Variants in GABRB2 observed in about 807,000 individuals in gnomAD.
GABRB2 encodes the protein gamma-aminobutyric acid receptor subunit beta-2.
GABRB2 carries 16 observed loss-of-function variants against 54.7 expected under a neutral mutation model. The ratio of observed to expected loss-of-function variants is 0.29; its 90% confidence interval spans 0.20 to 0.44. The LOEUF (loss-of-function observed/expected upper bound fraction) is 0.44, where lower values mean the gene tolerates loss of function less well. Among genes scored for constraint, GABRB2 ranks in the 20% least tolerant of loss-of-function variants. The pLI, the probability that GABRB2 is intolerant of heterozygous loss-of-function variation, is 1.00. For missense variants in GABRB2, 355 were observed against 644.0 expected (o/e 0.55, Z 4.86); for synonymous variants, 244 against 233.8 (o/e 1.04, Z -0.40).
chr5:161,316,748 A>T (rs1473068097), intron 9 of GABRB2, among the ~76,000 whole-genome samples: 1 of 151,998 alleles, frequency 6.6e-6, no homozygotes, highest in Non-Finnish European at 1.5e-5. Context: ...AGTAGCTGGG[A>T]TTACAGGTGC....
chr5:161,382,430 C>A (rs1177177980), intron 5 of GABRB2, among the ~76,000 whole-genome samples: 1 of 152,176 alleles, frequency 6.6e-6, no homozygotes, highest in Non-Finnish European at 1.5e-5. Context: ...CGGATCATAG[C>A]TTGAACTTCT....
At chr5:161,507,492 G>T (rs1453906259) in intron 3 of GABRB2, among the ~76,000 whole-genome samples, 2 of 151,972 alleles carry the variant, frequency 1.3e-5, no homozygotes, top group African/African-American at 2.4e-5. Context: ...AGTACTGAAG[G>T]ATAAAAGGCT....
At position 161,382,479 on chromosome 5, in the gene GABRB2, G is replaced by A. The variant is rs147975525; in HGVS notation, c.541+28496C>T. ...TGGATCAGCCTTTAATCACATAAGC[G>A]AATGATACCATATCAATAACACTTC... On this transcript the variant is annotated intron_variant, in intron 5 of 9. Coordinates refer to ENST00000393959, the MANE Select transcript of GABRB2 (RefSeq NM_001371727.1). Among the ~76,000 whole-genome samples the A allele has an allele frequency of 1.3e-4, 20 of 152,040 alleles. 1 individual carries two copies. Among genetic ancestry groups the A allele is most frequent in the Non-Finnish European group, 2.8e-4 (19 of 67,976 alleles).
chr5:161,432,834 G>A (rs1362760884), intron 4 of GABRB2, among the ~76,000 whole-genome samples: 1 of 152,012 alleles, frequency 6.6e-6, no homozygotes, highest in Non-Finnish European at 1.5e-5. Context: ...AACTTAGACT[G>A]GCTTTGCCTG....
chr5:161,372,880 C>T (rs964934562), intron 5 of GABRB2, among the ~76,000 whole-genome samples: 3 of 152,188 alleles, frequency 2.0e-5, no homozygotes, highest in Non-Finnish European at 4.4e-5. Flanking sequence ...TGCTATGCTG[C>T]ATGCACTAAG....
chr5:161,497,593 G>A (rs1362639184), intron 3 of GABRB2, among the ~76,000 whole-genome samples: 1 of 150,862 alleles, frequency 6.6e-6, no homozygotes, highest in Admixed American at 6.7e-5. Flanking sequence ...ATCTCCCAAG[G>A]CTGAGTTCAG....
intron 7 of GABRB2, among the ~76,000 whole-genome samples, chr5:161,333,362 A>G: frequency 6.6e-6 from 1 of 152,182 alleles, no homozygotes; most frequent in East Asian, 1.9e-4. Context: ...CTAAGAAAAC[A>G]AAAGTTATAA....
intron 3 of GABRB2, among the ~76,000 whole-genome samples, chr5:161,540,576 G>A (rs1172615410): frequency 2.0e-5 from 3 of 152,062 alleles, no homozygotes; most frequent in African/African-American, 7.2e-5. Context: ...TTTCCAGAAG[G>A]TTTTCAATAC....
intron 9 of GABRB2, among the ~76,000 whole-genome samples, chr5:161,322,345 C>G (rs1410733119): frequency 6.6e-6 from 1 of 152,166 alleles, no homozygotes. Context: ...AAACAATTCT[C>G]CTGCCTCTGC....
At chr5:161,312,849 G>A (rs992837310) in intron 9 of GABRB2, among the ~76,000 whole-genome samples, 1 of 151,912 alleles carries the variant, frequency 6.6e-6, no homozygotes, top group Middle Eastern at 3.4e-3. Context: ...TCTCTATAAA[G>A]TGCTGTTATG....
intron 7 of GABRB2, among the ~76,000 whole-genome samples, chr5:161,331,860 T>A (rs927061431): frequency 3.9e-5 from 6 of 152,142 alleles, no homozygotes; most frequent in Non-Finnish European, 8.8e-5. Flanking sequence ...GAAGCAGGCA[T>A]GGCAGGAGTA....
intron 3 of GABRB2, among the ~76,000 whole-genome samples, chr5:161,473,548 TA>T (rs1758505828): frequency 1.3e-5 from 2 of 151,998 alleles, no homozygotes; most frequent in Non-Finnish European, 1.5e-5. Context: ...TAATTTTGTT[TA>T]AAGGAAAAAG....
intron 3 of GABRB2, among the ~76,000 whole-genome samples, chr5:161,483,085 A>C (rs781272895): frequency 6.6e-6 from 1 of 152,060 alleles, no homozygotes; most frequent in Non-Finnish European, 1.5e-5. Context: ...ACAGCAAAGA[A>C]ATTTCTTAAT....
intron 3 of GABRB2, among the ~76,000 whole-genome samples, chr5:161,492,679 C>T (rs1157156301): frequency 6.6e-6 from 1 of 151,326 alleles, no homozygotes; most frequent in Non-Finnish European, 1.5e-5. Flanking sequence ...ATGAAGTATA[C>T]AACGTAAAAA....
intron 4 of GABRB2, among the ~76,000 whole-genome samples, chr5:161,420,473 C>T (rs1756817809): frequency 6.6e-6 from 1 of 152,224 alleles, no homozygotes; most frequent in Non-Finnish European, 1.5e-5. Flanking sequence ...CCGAAACAGG[C>T]TCCCTGGGCT....
intron 3 of GABRB2, among the ~76,000 whole-genome samples, chr5:161,505,555 C>T (rs1759580258): frequency 6.6e-6 from 1 of 151,858 alleles, no homozygotes; most frequent in African/African-American, 2.4e-5. Flanking sequence ...AAAATATTTA[C>T]AAAAAAATTA....
At chr5:161,502,978 G>T (rs1319097156) in intron 3 of GABRB2, among the ~76,000 whole-genome samples, 3 of 152,138 alleles carry the variant, frequency 2.0e-5, no homozygotes, top group African/African-American at 7.2e-5. Context: ...AATTACACAG[G>T]TCATACAGTA....
rs1216943981 is a variant in GABRB2 at position 161,439,823 on chromosome 5, T to G, written c.458+19801A>C. On this transcript the variant is annotated intron_variant, in intron 4 of 9. Coordinates refer to ENST00000393959, the MANE Select transcript of GABRB2 (RefSeq NM_001371727.1). ...AACACACATGAGGGCCTGCCATTGG[T>G]GGGGGTAGGGGGAGGGAGGGCATAA... 4.0e-5 allele frequency among the ~76,000 whole-genome samples: 6 copies of G among 150,386 alleles called. No homozygotes were observed. The South Asian group carries it at 1.3e-3, about 31-fold the overall frequency.
rs145718394 is a variant in GABRB2, at chr5:161,312,498, G to C, written c.1191+13870C>G. ...TGCTTTGCCAAAGAATAAAATCTCAGCTAGATTCTGGGTCAAATATTGAAA... is the reference window on the plus strand; with the variant it reads ...TGCTTTGCCAAAGAATAAAATCTCACCTAGATTCTGGGTCAAATATTGAAA... On this transcript the variant is annotated intron_variant, in intron 9 of 9. Coordinates refer to ENST00000393959, the MANE Select transcript of GABRB2 (RefSeq NM_001371727.1). Among the ~76,000 whole-genome samples, 3 of 152,256 alleles carry C rather than the reference G, an allele frequency of 2.0e-5. No individual in the cohort carries two copies. In the East Asian group the frequency reaches 5.8e-4, roughly 29 times the overall value.
Sources: gnomAD v4.1 joint callset for allele counts (sites outside exome capture counted in the v4.1 genomes callset) on GRCh38, gnomAD v4.1.1 for gene constraint, MANE v1.5 for transcripts, NCBI Gene and HGNC (gene_info 2026-07-23, HGNC 2026-07-21) for gene names.